Variants in STC2 observed in about 807,000 individuals in gnomAD.
STC2 encodes the protein stanniocalcin-2.
A neutral mutation model predicts 22.7 loss-of-function variants in STC2; 7 were observed. That is an observed-to-expected ratio of 0.31 (90% CI 0.18 to 0.58). The LOEUF is 0.58. Ranked by LOEUF, STC2 falls within the 20% of genes least tolerant of loss-of-function variation. The pLI, the probability that STC2 is intolerant of heterozygous loss-of-function variation, is 0.89. For missense variants in STC2, 336 were observed against 406.2 expected, an observed-to-expected ratio of 0.83 and a Z score of 1.48; for synonymous variants, 158 against 163.4, an observed-to-expected ratio of 0.97 and a Z score of 0.25.
chr5:173,323,290 C>G lies in STC2; in HGVS notation c.435G>C (p.Leu145=). ...GGGTGTTCTCCTGGGCAGCCGCGCA[C>G]AGGTCGTGCTTGAGGTAGCATTCCC... ...LQRECYLKHD[L]CAAAQENTRV... is the part of the protein sequence containing the mutation. Residue 145 remains leucine (L), a synonymous_variant, in exon 3 of 4, where the codon CTG becomes CTC. Transcript: ENST00000265087. The surrounding 1 kb of genome is among the most constrained non-coding windows in gnomAD (Gnocchi z 5.4). The G allele has an allele frequency of 6.2e-7, 1 of 1,614,184 alleles. No individual in the cohort carries two copies. The highest frequency in any genetic ancestry group is 8.5e-7 in the Non-Finnish European group (1 of 1,180,030).
chr5:173,326,179 C>T (rs916156340), intron 1 of STC2, among the ~76,000 whole-genome samples, 169 bp from the exon 2 acceptor site: 13 of 152,110 alleles, frequency 8.5e-5, no homozygotes, highest in Non-Finnish European at 1.5e-5. Flanking sequence ...AAATTTCGTC[C>T]TTTAATCTAC....
In STC2 at chr5:173,325,425, T is replaced by G. The variant is rs746242158; in HGVS notation, c.294+443A>C. Among the ~76,000 whole-genome samples, 4 of 152,194 alleles carry G rather than the reference T, an allele frequency of 2.6e-5. No homozygotes were observed. Among genetic ancestry groups the G allele is most frequent in the African/African-American group, 9.7e-5 (4 of 41,448 alleles). ...AGAAAGATCTGCTACTCAGGAGGAA[T>G]AGAAGTCTGCTCTTTTGGAGGTCCT... On this transcript the variant is annotated intron_variant, in intron 2 of 3. Transcript: ENST00000265087. The surrounding 1 kb of genome is among the most constrained non-coding windows in gnomAD (Gnocchi z 4.7).
chr5:173,321,913 G>A lies in STC2; in HGVS notation c.506+1306C>T, dbSNP rs1352000335. Among the ~76,000 whole-genome samples, 3 of 152,224 alleles carry A rather than the reference G, an allele frequency of 2.0e-5. No homozygotes were observed. The East Asian group carries it at 5.8e-4, about 29-fold the overall frequency. On this transcript the variant is annotated intron_variant, in intron 3 of 3. Transcript: ENST00000265087. ...TGAAGAATAAAAAATATTTTGTAAG[G>A]CGTTAGCCTAATTCGAGGAAAATGC...
In STC2 at chr5:173,318,229, T is replaced by C; in HGVS notation, c.527A>G (p.Asn176Ser). The C allele has an allele frequency of 6.7e-7, 1 of 1,495,006 alleles. No individual in the cohort carries two copies. The highest frequency in any genetic ancestry group is 8.9e-7 in the Non-Finnish European group (1 of 1,119,792). 92.6% of individuals were successfully genotyped at this position (1,495,006 alleles called of 1,614,324 possible). A position where few individuals can be genotyped will look rare whatever the true frequency, so the allele number is the denominator to read the frequency against. ...LLHEPYVDLV[N>S]LLLTCGEEVK... ...CTCCTCCCCACAGGTCAGCAGCAAG[T>C]TCACGAGGTCCACGTAGGGTCTAAA... Residue 176 changes from asparagine to serine, a missense_variant, in exon 4 of 4, where the codon AAC becomes AGC. This residue lies in a region of STC2 where 215 missense variants were observed against 231.5 expected (regional missense o/e 0.93). Transcript: ENST00000265087.
chr5:173,323,457 A>G lies in STC2; in HGVS notation c.295-27T>C. On this transcript the variant is annotated intron_variant, in intron 2 of 3. Transcript: ENST00000265087. The surrounding 1 kb of genome is among the most constrained non-coding windows in gnomAD (Gnocchi z 5.4). ...TGAGAACACACAGGCCGGGGAAGGG[A>G]GAGAGGGGCAGAAAGCAGAAGACCT... 2 of 1,572,810 alleles carry G rather than the reference A, an allele frequency of 1.3e-6. No individual in the cohort carries two copies. Among genetic ancestry groups the G allele is most frequent in the African/African-American group, 1.3e-5 (1 of 74,270 alleles).
rs112916112 is a variant in STC2, at chr5:173,318,117, C to G, written c.639G>C (p.Ser213=). Residue 213 remains serine (S), a synonymous_variant, in exon 4 of 4, where the codon TCG becomes TCC. Transcript: ENST00000265087. ...GCGCCGTGGGAGGCTTCTGGATGGC[C>G]GAGGTGCAGAAGCTCAAGATGGAGC... ...SLCSILSFCT[S]AIQKPPTAPP... 1 of 1,610,388 alleles carries G rather than the reference C, an allele frequency of 6.2e-7. No homozygotes were observed.
Position 173,316,407 on chromosome 5 carries a change from C to A in STC2, c.*1440G>T, listed in dbSNP as rs979398220. The A allele has an allele frequency of 6.6e-6, 1 of 151,940 alleles. No homozygotes were observed. The highest frequency in any genetic ancestry group is 2.4e-5 in the African/African-American group (1 of 41,344). 9.4% of individuals were successfully genotyped at this position (151,940 alleles called of 1,614,324 possible). On this transcript the variant is annotated 3_prime_UTR_variant, in exon 4 of 4. Coordinates refer to ENST00000265087, the MANE Select transcript of STC2 (RefSeq NM_003714.3). ...AATACCCGGCCACTCCCTACAATAC[C>A]AGCTCCTGCTTGAGAAAGGATAGGC...
At chr5:173,324,606 GC>G (rs2073704596) in intron 2 of STC2, among the ~76,000 whole-genome samples, 1 of 152,244 alleles carries the variant, frequency 6.6e-6, no homozygotes, top group Non-Finnish European at 1.5e-5. Flanking sequence ...AGAATGGAGG[GC>G]AGGGTGTGCC....
chr5:173,327,949 G>T, intron 1 of STC2, 94 bp downstream of exon 1: 1 of 1,375,714 alleles, frequency 7.3e-7, no homozygotes, highest in Non-Finnish European at 9.5e-7. Context: ...CCCTGGGTGG[G>T]CGCCTGGCTC....
chr5:173,317,887 C>T lies in STC2; in HGVS notation c.869G>A (p.Trp290Ter), dbSNP rs766439549. ...GAQGPSGSSE[W>*]EDEQSEYSDI... ...AGAATACTCAGACTGTTCGTCTTCCCACTCGCTGCTTCCGGAAGGTCCCTG... is the reference window on the plus strand; with the variant it reads ...AGAATACTCAGACTGTTCGTCTTCCTACTCGCTGCTTCCGGAAGGTCCCTG... The change falls in exon 4 of 4, where the codon TGG (tryptophan) becomes TAG (stop). Residue 290 changes from tryptophan (W) to a stop codon, truncating the protein, a stop_gained. Coordinates refer to ENST00000265087, the MANE Select transcript of STC2 (RefSeq NM_003714.3). LOFTEE classifies it high-confidence loss of function. The T allele has an allele frequency of 6.2e-7, 1 of 1,604,042 alleles. No homozygotes were observed. Among genetic ancestry groups the T allele is most frequent in the Non-Finnish European group, 8.5e-7 (1 of 1,173,860 alleles).
In STC2 at chr5:173,328,160, G is replaced by A. The variant is rs904135849; in HGVS notation, c.34C>T (p.Leu12=). The part of the protein sequence containing the change: ...CAERLGQFMT[L]ALVLATFDPA... ...TCAAAGGTGGCCAACACCAAAGCCA[G>A]GGTCATGAACTGGCCCAGCCGCTCG... The change falls in exon 1 of 4, where the codon CTG becomes TTG. Residue 12 remains leucine (L), a synonymous_variant. Transcript: ENST00000265087. The A allele has an allele frequency of 1.3e-6, 2 of 1,595,260 alleles. No individual in the cohort carries two copies. The highest frequency in any genetic ancestry group is 2.7e-5 in the African/African-American group (2 of 74,314).
chr5:173,322,402 T>A (rs1283975262), intron 3 of STC2, among the ~76,000 whole-genome samples: 1 of 152,190 alleles, frequency 6.6e-6, no homozygotes, highest in East Asian at 1.9e-4. Flanking sequence ...GTGGCTGAAA[T>A]ATTTTGTAAG....
At position 173,325,280 on chromosome 5, in the gene STC2, C is replaced by T. The variant is rs1257631818; in HGVS notation, c.294+588G>A. Among the ~76,000 whole-genome samples the T allele has an allele frequency of 6.6e-6, 1 of 152,212 alleles. No homozygotes were observed. The highest frequency in any genetic ancestry group is 2.4e-5 in the African/African-American group (1 of 41,460). On this transcript the variant is annotated intron_variant, in intron 2 of 3. Coordinates refer to ENST00000265087, the MANE Select transcript of STC2 (RefSeq NM_003714.3). This position sits in a 1 kb window ranked among gnomAD's most constrained non-coding sequence, Gnocchi z 4.7. The stretch of plus-strand genomic sequence containing the variant: ...TTGCCCTGAGCAGCAACTCCGCGTT[C>T]CCCTTGGGACCCTGGGATAACCGAA...
intron 3 of STC2, among the ~76,000 whole-genome samples, chr5:173,321,405 G>A (rs1001793155): frequency 6.6e-6 from 1 of 152,192 alleles, no homozygotes; most frequent in Admixed American, 6.5e-5. Context: ...GGCTAGAGGC[G>A]AGTGAAGCTC....
At chr5:173,322,283 G>A (rs545048169) in intron 3 of STC2, among the ~76,000 whole-genome samples, 1 of 146,310 alleles carries the variant, frequency 6.8e-6, no homozygotes, top group African/African-American at 2.4e-5. Flanking sequence ...TTAGGAAAGA[G>A]CCATTGTCAA....
In STC2 at chr5:173,320,911, A is replaced by C. The variant is rs576814914; in HGVS notation, c.506+2308T>G. Among the ~76,000 whole-genome samples, 75 of 151,652 alleles carry C rather than the reference A, an allele frequency of 4.9e-4. 1 individual carries two copies. The highest frequency in any genetic ancestry group is 1.4e-3 in the African/African-American group (56 of 41,216). ...CAGTTAAGATGGTTGGGAAAAAAAA[A>C]CCTAAAAAACAGGCAGTTCAGCTAG... On this transcript the variant is annotated intron_variant, in intron 3 of 3. Coordinates refer to ENST00000265087, the MANE Select transcript of STC2 (RefSeq NM_003714.3).
At chr5:173,318,448 C>T (rs116129059) in intron 3 of STC2, among the ~76,000 whole-genome samples, 199 bp from the exon 4 acceptor site, 3,213 of 152,224 alleles carry the variant, frequency 0.021, 127 homozygotes, top group African/African-American at 0.073. Flanking sequence ...GTACTGGCCT[C>T]AACCAACACT....
Position 173,318,018 on chromosome 5 carries a change from G to A in STC2, c.738C>T (p.Leu246=), listed in dbSNP as rs990377252. Residue 246 remains leucine (L), a synonymous_variant, in exon 4 of 4, where the codon CTC becomes CTT. Coordinates refer to ENST00000265087, the MANE Select transcript of STC2 (RefSeq NM_003714.3). ...RAHHGEAGHH[L]PEPSSRETGR... ...CAGTCTCCCTACTGCTGGGCTCTGG[G>A]AGGTGATGTCCTGCTTCCCCGTGGT... is the stretch of plus-strand genomic sequence containing the variant. The A allele has an allele frequency of 1.9e-6, 3 of 1,612,940 alleles. No individual in the cohort carries two copies. Among genetic ancestry groups the A allele is most frequent in the East Asian group, 4.5e-5 (2 of 44,858 alleles).
chr5:173,319,836 G>C (rs1762464922), intron 3 of STC2, among the ~76,000 whole-genome samples: 1 of 152,094 alleles, frequency 6.6e-6, no homozygotes, highest in South Asian at 2.1e-4. Context: ...GATGACTTTG[G>C]AGTCAGCAAG....
Sources: allele counts gnomAD v4.1 joint callset (sites outside exome capture counted in the v4.1 genomes callset), GRCh38; gene constraint gnomAD v4.1.1; regional missense constraint gnomAD v4.1.1; non-coding constraint Gnocchi (gnomAD v3.1); transcripts MANE v1.5; gene names NCBI Gene and HGNC (gene_info 2026-07-23, HGNC 2026-07-21).